Variants in ILDR1 observed in about 807,000 individuals in gnomAD.
ILDR1 encodes immunoglobulin-like domain-containing receptor 1.
A neutral mutation model predicts 62.4 loss-of-function variants in ILDR1; 56 were observed. The ratio of observed to expected loss-of-function variants is 0.90; its 90% CI spans 0.72 to 1.12. The LOEUF is 1.12. Ranked by LOEUF, ILDR1 falls within the 50% of genes most tolerant of loss-of-function variation. The pLI, the probability that ILDR1 is intolerant of heterozygous loss-of-function variation, is 0.00. For missense variants in ILDR1, 736 were observed against 710.6 expected (o/e 1.04, Z -0.41); for synonymous variants, 284 against 277.8 (o/e 1.02, Z -0.22).
At chr3:122,024,565 T>C (rs1290073755), upstream of ILDR1, among the ~76,000 whole-genome samples, 1 of 152,244 alleles carries the variant, frequency 6.6e-6, no homozygotes, top group Non-Finnish European at 1.5e-5. Context: ...CACCTGCTTC[T>C]CTGTCTACTG....
At chr3:122,036,203 G>A in the ILDR1 span, among the ~76,000 whole-genome samples, 1 of 152,218 alleles carries the variant, frequency 6.6e-6, no homozygotes, top group Admixed American at 6.5e-5. Flanking sequence ...CTTCTTAGTA[G>A]CAAAGTATTC....
At chr3:122,009,162 C>T (rs1352182203) in intron 1 of ILDR1, among the ~76,000 whole-genome samples, 1 of 150,662 alleles carries the variant, frequency 6.6e-6, no homozygotes, top group East Asian at 2.0e-4. Flanking sequence ...AACTCCTAAC[C>T]TCAAGCAATC....
the ILDR1 span, among the ~76,000 whole-genome samples, chr3:122,032,227 G>A: frequency 1.3e-5 from 2 of 152,160 alleles, no homozygotes; most frequent in African/African-American, 4.8e-5. Context: ...CAACAATGTA[G>A]TACACATTCT....
intron 1 of ILDR1, among the ~76,000 whole-genome samples, chr3:122,008,322 GTGGGACTTT>G (rs1435680309): frequency 2.0e-5 from 3 of 152,192 alleles, no homozygotes; most frequent in Non-Finnish European, 4.4e-5. Context: ...AAAATGTCAG[GTGGGACTTT>G]GGCACAGTCA....
At chr3:122,058,036 G>C in the ILDR1 span, among the ~76,000 whole-genome samples, 3 of 152,196 alleles carry the variant, frequency 2.0e-5, no homozygotes. Flanking sequence ...TGTAAAATGG[G>C]AGTATGGTAA....
chr3:122,023,319 C>T (rs2071892437), upstream of ILDR1, among the ~76,000 whole-genome samples: 1 of 152,166 alleles, frequency 6.6e-6, no homozygotes, highest in South Asian at 2.1e-4. Flanking sequence ...CTTTAGGTCT[C>T]TTTGCACCAG....
chr3:121,994,421 C>A, intron 5 of ILDR1, 108 bp from the exon 6 acceptor site: 2 of 1,283,652 alleles, frequency 1.6e-6, no homozygotes, highest in Non-Finnish European at 2.1e-6. Context: ...CTTCTCTTGT[C>A]CATTCTCACC....
intron 1 of ILDR1, among the ~76,000 whole-genome samples, chr3:122,014,280 C>T (rs1315152059): frequency 2.0e-5 from 3 of 152,192 alleles, no homozygotes; most frequent in Non-Finnish European, 4.4e-5. Context: ...CCATGAATTC[C>T]ACTTTCCAGA....
At chr3:122,030,367 T>C in the ILDR1 span, among the ~76,000 whole-genome samples, 2 of 151,822 alleles carry the variant, frequency 1.3e-5, no homozygotes, top group South Asian at 2.1e-4. Context: ...AAATTATTAA[T>C]CAGTATGGAA....
At chr3:122,022,353 A>C, upstream of ILDR1, 4 of 365,460 alleles carry the variant, frequency 1.1e-5, no homozygotes, top group Non-Finnish European at 1.5e-5. Flanking sequence ...CACCTTCCCT[A>C]CCTGCTGCCG....
At chr3:122,006,925 C>G (rs1489995495) in intron 2 of ILDR1, 66 bp downstream of exon 2, 9 of 1,522,094 alleles carry the variant, frequency 5.9e-6, no homozygotes, top group Non-Finnish European at 6.3e-6. Context: ...ATCCCTCAAC[C>G]CTAACCGCAG....
At chr3:122,056,195 G>A in the ILDR1 span, among the ~76,000 whole-genome samples, 1 of 152,112 alleles carries the variant, frequency 6.6e-6, no homozygotes, top group Non-Finnish European at 1.5e-5. Flanking sequence ...CTATTCATAA[G>A]GGGTAGAGCT....
chr3:122,049,674 G>A, the ILDR1 span, among the ~76,000 whole-genome samples: 1 of 152,038 alleles, frequency 6.6e-6, no homozygotes, highest in African/African-American at 2.4e-5. Context: ...GTCTGTTATG[G>A]TCTGAATGTC....
chr3:122,054,178 G>A, the ILDR1 span, among the ~76,000 whole-genome samples: 1 of 152,126 alleles, frequency 6.6e-6, no homozygotes, highest in East Asian at 1.9e-4. Flanking sequence ...AATAATATAT[G>A]TAATCTACTT....
the ILDR1 span, among the ~76,000 whole-genome samples, chr3:122,037,321 A>G: frequency 1.9e-3 from 294 of 152,348 alleles, no homozygotes; most frequent in Non-Finnish European, 2.5e-3. Flanking sequence ...GAAAGCAGCC[A>G]AAGGGGCTGT....
At chr3:122,024,189 T>C (rs1378615436), upstream of ILDR1, among the ~76,000 whole-genome samples, 5 of 152,322 alleles carry the variant, frequency 3.3e-5, no homozygotes, top group East Asian at 1.9e-4. Flanking sequence ...TGGATTAAAC[T>C]AAATGAAACA....
At chr3:122,054,288 G>A in the ILDR1 span, among the ~76,000 whole-genome samples, 1 of 151,872 alleles carries the variant, frequency 6.6e-6, no homozygotes, top group African/African-American at 2.4e-5. Context: ...CAGCACTGGT[G>A]TTTTCAGCCA....
upstream of ILDR1, among the ~76,000 whole-genome samples, chr3:122,022,938 T>TAAAC (rs1431204705): frequency 3.6e-4 from 53 of 149,130 alleles, no homozygotes; most frequent in Admixed American, 1.7e-3. Flanking sequence ...AATAAATAAA[T>TAAAC]AAATAAATAA....
At chr3:122,023,662 G>A (rs747231706), upstream of ILDR1, among the ~76,000 whole-genome samples, 3 of 152,036 alleles carry the variant, frequency 2.0e-5, no homozygotes, top group Non-Finnish European at 4.4e-5. Context: ...TTCCCTCCTG[G>A]ATCTGACTTC....
Sources: allele counts gnomAD v4.1 joint callset (sites outside exome capture counted in the v4.1 genomes callset), GRCh38; gene constraint gnomAD v4.1.1; transcripts MANE v1.5; gene names NCBI Gene and HGNC (gene_info 2026-07-23, HGNC 2026-07-21).